IQCM: variants seen among roughly 807,000 people sequenced by gnomAD.
The protein encoded by IQCM is IQ motif containing M.
Under a neutral mutation model 57.6 loss-of-function variants are expected in IQCM, and 45 were observed. The ratio of observed to expected loss-of-function variants is 0.78; its 90% CI spans 0.62 to 1.00. The LOEUF (loss-of-function observed/expected upper bound fraction) is 1.00, where lower values mean the gene tolerates loss of function less well. Ranked by LOEUF, IQCM falls within the 50% of genes least tolerant of loss-of-function variation. The pLI is 0.00. For missense variants in IQCM, 468 were observed against 511.6 expected (o/e 0.91, Z 0.82); for synonymous variants, 148 against 158.9 (o/e 0.93, Z 0.51).
chr4:149,365,372 T>C (rs190838135), intron 13 of IQCM, among the ~76,000 whole-genome samples: 1 of 152,250 alleles, frequency 6.6e-6, no homozygotes, highest in East Asian at 1.9e-4. Flanking sequence ...AAAAGAAATA[T>C]ACATAACTAT....
At chr4:149,601,787 G>A (rs369510735) in intron 8 of IQCM, among the ~76,000 whole-genome samples, 1 of 151,958 alleles carries the variant, frequency 6.6e-6, no homozygotes, top group African/African-American at 2.4e-5. Flanking sequence ...GGCCTGGCGC[G>A]GTGGCTCATG....
At chr4:149,475,686 G>T (rs1223185223) in intron 12 of IQCM, among the ~76,000 whole-genome samples, 1 of 151,864 alleles carries the variant, frequency 6.6e-6, no homozygotes, top group East Asian at 1.9e-4. Context: ...AAAAACCAGA[G>T]AAAAGAGGAT....
intron 12 of IQCM, among the ~76,000 whole-genome samples, chr4:149,532,445 G>A (rs1296452075): frequency 1.3e-5 from 2 of 150,594 alleles, no homozygotes; most frequent in African/African-American, 4.9e-5. Flanking sequence ...ATCTCCACAA[G>A]CTTTCCTGAA....
At chr4:149,560,042 C>T (rs749642374) in intron 10 of IQCM, among the ~76,000 whole-genome samples, 4 of 152,156 alleles carry the variant, frequency 2.6e-5, no homozygotes, top group Non-Finnish European at 4.4e-5. Context: ...CTGCTCTGGT[C>T]CATGGAAAAA....
intron 2 of IQCM, among the ~76,000 whole-genome samples, chr4:149,797,826 A>C (rs1773250861): frequency 6.6e-6 from 1 of 152,046 alleles, no homozygotes; most frequent in South Asian, 2.1e-4. Flanking sequence ...AGAATAGCAT[A>C]CTATGATAAA....
At chr4:149,673,210 G>C (rs917187894) in intron 7 of IQCM, among the ~76,000 whole-genome samples, 3 of 152,150 alleles carry the variant, frequency 2.0e-5, no homozygotes, top group Non-Finnish European at 4.4e-5. Context: ...GGAAGAAAGT[G>C]TATCAACTCA....
At chr4:149,585,743 C>A (rs1219587294) in intron 9 of IQCM, among the ~76,000 whole-genome samples, 1 of 151,616 alleles carries the variant, frequency 6.6e-6, no homozygotes, top group African/African-American at 2.4e-5. Context: ...GCATGACTGA[C>A]TAAGAATATC....
chr4:149,489,395 G>A (rs1439947605), intron 12 of IQCM, among the ~76,000 whole-genome samples: 2 of 152,042 alleles, frequency 1.3e-5, no homozygotes, highest in Non-Finnish European at 2.9e-5. Context: ...CTTGGGAGCT[G>A]TTAGGCTTTT....
At chr4:149,600,132 A>G (rs113337736) in intron 8 of IQCM, among the ~76,000 whole-genome samples, 7 of 152,268 alleles carry the variant, frequency 4.6e-5, no homozygotes, top group African/African-American at 1.7e-4. Flanking sequence ...TTTATTGAGG[A>G]CTAATTTGAA....
chr4:149,556,459 A>C (rs190166997), intron 10 of IQCM, among the ~76,000 whole-genome samples: 2 of 152,204 alleles, frequency 1.3e-5, no homozygotes, highest in Non-Finnish European at 2.9e-5. Flanking sequence ...TTCAGCAATT[A>C]TTTTGCCAGT....
At chr4:149,518,061 G>A (rs775330246) in intron 12 of IQCM, among the ~76,000 whole-genome samples, 2 of 152,106 alleles carry the variant, frequency 1.3e-5, no homozygotes, top group Admixed American at 1.3e-4. Flanking sequence ...AGCATATTTC[G>A]AGTCTCTGCT....
At position 149,431,153 on chromosome 4, in the gene IQCM, C is replaced by T. The variant is rs537121985; in HGVS notation, c.1390+2243G>A. 5.3e-5 allele frequency among the ~76,000 whole-genome samples: 8 copies of T among 151,780 alleles called. No individual in the cohort carries two copies. The South Asian group carries it at 6.3e-4, about 12-fold the overall frequency. On this transcript the variant is annotated intron_variant, in intron 13 of 13. Transcript: ENST00000636793. ...TTGGGAGACAGAGGTTGCAGTGAAC[C>T]GAGATTATGCCACTGCACTCCAGTC...
chr4:149,563,572 G>T, intron 10 of IQCM, 120 bp downstream of exon 10: 1 of 667,858 alleles, frequency 1.5e-6, no homozygotes, highest in Non-Finnish European at 2.1e-6. Flanking sequence ...GACAACAACA[G>T]CAAAACTCTA....
At chr4:149,481,606 T>A (rs778656552) in intron 12 of IQCM, among the ~76,000 whole-genome samples, 1 of 151,430 alleles carries the variant, frequency 6.6e-6, no homozygotes. Flanking sequence ...GTTCCATTGG[T>A]CTATGTGTCT....
intron 8 of IQCM, among the ~76,000 whole-genome samples, chr4:149,620,554 G>A (rs1258967217): frequency 1.3e-5 from 2 of 152,188 alleles, no homozygotes; most frequent in Non-Finnish European, 2.9e-5. Flanking sequence ...AGAAATTGTT[G>A]CTAAAGATGT....
At chr4:149,551,661 A>G (rs910782169) in intron 11 of IQCM, among the ~76,000 whole-genome samples, 1 of 152,156 alleles carries the variant, frequency 6.6e-6, no homozygotes, top group Non-Finnish European at 1.5e-5. Context: ...ATATATTTTG[A>G]TAAGTATTAT....
chr4:149,530,752 T>C (rs1210284005), intron 12 of IQCM, among the ~76,000 whole-genome samples: 2 of 151,246 alleles, frequency 1.3e-5, no homozygotes, highest in Non-Finnish European at 2.9e-5. Flanking sequence ...TATATCTAGC[T>C]ATCATGTTAC....
intron 12 of IQCM, among the ~76,000 whole-genome samples, chr4:149,454,221 C>T (rs891013902): frequency 2.0e-4 from 30 of 149,210 alleles, no homozygotes; most frequent in Admixed American, 8.8e-4. Flanking sequence ...CACACAATTA[C>T]AATTTATGGT....
At chr4:149,507,070 G>A (rs1033604208) in intron 12 of IQCM, among the ~76,000 whole-genome samples, 14 of 152,156 alleles carry the variant, frequency 9.2e-5, no homozygotes, top group Admixed American at 2.0e-4. Context: ...GTTTTCTTGC[G>A]CAAGCTTTCT....
Sources: gnomAD v4.1 joint callset for allele counts (sites outside exome capture counted in the v4.1 genomes callset) on GRCh38, gnomAD v4.1.1 for gene constraint, MANE v1.5 for transcripts, NCBI Gene and HGNC (gene_info 2026-07-23, HGNC 2026-07-21) for gene names.